Variants in GRM7 observed in about 807,000 individuals in gnomAD.
The protein encoded by GRM7 is glutamate metabotropic receptor 7.
A neutral mutation model predicts 84.5 loss-of-function variants in GRM7; 35 were observed. The ratio of observed to expected loss-of-function variants is 0.41; its 90% CI spans 0.32 to 0.55. The LOEUF is 0.55. Ranked by LOEUF, GRM7 falls within the 20% of genes least tolerant of loss-of-function variation. The probability of loss-of-function intolerance (pLI) is 0.19; values close to 1 mark genes in which losing one functional copy is unlikely to be tolerated. For missense variants in GRM7, 1,003 were observed against 1,194.6 expected (o/e 0.84, Z 2.36); for synonymous variants, 487 against 455.1 (o/e 1.07, Z -0.89).
chr3:6,929,900 A>G (rs927884438), intron 1 of GRM7, among the ~76,000 whole-genome samples: 11 of 152,158 alleles, frequency 7.2e-5, no homozygotes, highest in African/African-American at 2.7e-4. Flanking sequence ...TCAGATGGGA[A>G]CAACGCTTCT....
At chr3:7,206,536 A>C (rs543510819) in intron 2 of GRM7, among the ~76,000 whole-genome samples, 1 of 152,064 alleles carries the variant, frequency 6.6e-6, no homozygotes, top group Non-Finnish European at 1.5e-5. Context: ...CACAAAGCCA[A>C]CCTCCTTTAT....
intron 8 of GRM7, among the ~76,000 whole-genome samples, chr3:7,580,107 C>G (rs1246332868): frequency 6.6e-6 from 1 of 152,194 alleles, no homozygotes; most frequent in Non-Finnish European, 1.5e-5. Context: ...AGTTATAAGT[C>G]TTGTGAATCT....
intron 4 of GRM7, among the ~76,000 whole-genome samples, chr3:7,314,326 C>T (rs185564409): frequency 1.3e-5 from 2 of 150,886 alleles, no homozygotes; most frequent in Non-Finnish European, 2.9e-5. Context: ...TTTCTCCCTC[C>T]CCCCTAAAAA....
intron 1 of GRM7, among the ~76,000 whole-genome samples, chr3:6,870,711 C>T (rs1405844097): frequency 3.9e-5 from 6 of 152,006 alleles, no homozygotes; most frequent in African/African-American, 7.2e-5. Context: ...AGAAGGGATA[C>T]GTTTTGAAGG....
chr3:7,595,480 G>A (rs1336886791), intron 8 of GRM7, among the ~76,000 whole-genome samples: 1 of 152,184 alleles, frequency 6.6e-6, no homozygotes, highest in Non-Finnish European at 1.5e-5. Flanking sequence ...TCAAATATGA[G>A]TATGTAATAT....
chr3:7,368,301 A>G (rs374432786), intron 4 of GRM7, among the ~76,000 whole-genome samples: 7 of 152,166 alleles, frequency 4.6e-5, no homozygotes, highest in African/African-American at 1.4e-4. Context: ...GGAATGATAT[A>G]TTATTATCTT....
chr3:7,381,136 T>A (rs1311277463), intron 4 of GRM7, among the ~76,000 whole-genome samples: 1 of 152,140 alleles, frequency 6.6e-6, no homozygotes, highest in African/African-American at 2.4e-5. Context: ...ATCATCTACT[T>A]CCTTGACTTT....
intron 1 of GRM7, among the ~76,000 whole-genome samples, chr3:7,136,403 C>T (rs563893130): frequency 6.6e-6 from 1 of 150,882 alleles, no homozygotes; most frequent in African/African-American, 2.4e-5. Flanking sequence ...GTTTATGTTG[C>T]CTAGGTTGTC....
chr3:7,504,918 C>T (rs926576081), intron 7 of GRM7, among the ~76,000 whole-genome samples: 1 of 152,144 alleles, frequency 6.6e-6, no homozygotes, highest in Non-Finnish European at 1.5e-5. Flanking sequence ...AGTCCAAAGT[C>T]CAGAGTCTCA....
intron 1 of GRM7, among the ~76,000 whole-genome samples, chr3:7,075,151 G>A (rs6783577): frequency 0.13 from 19,157 of 152,148 alleles, 1,827 homozygotes; most frequent in African/African-American, 0.27. Context: ...CCTGGAGTCT[G>A]TATGGACTCA....
chr3:6,962,829 T>C (rs1026296427), intron 1 of GRM7, among the ~76,000 whole-genome samples: 4 of 152,228 alleles, frequency 2.6e-5, no homozygotes, highest in South Asian at 2.1e-4. Flanking sequence ...AATAGCCCAA[T>C]AGGAGAAAAG....
chr3:6,879,139 T>A (rs550312075), intron 1 of GRM7, among the ~76,000 whole-genome samples: 1 of 152,218 alleles, frequency 6.6e-6, no homozygotes, highest in Non-Finnish European at 1.5e-5. Context: ...ATATTTTCAA[T>A]AAGATACGTA....
intron 1 of GRM7, among the ~76,000 whole-genome samples, chr3:6,996,117 CG>C (rs1220909379): frequency 6.6e-6 from 1 of 151,996 alleles, no homozygotes; most frequent in African/African-American, 2.4e-5. Flanking sequence ...GGTGCAATCT[CG>C]GCTCACTGCA....
intron 8 of GRM7, among the ~76,000 whole-genome samples, chr3:7,599,402 G>A (rs1029097683): frequency 2.0e-5 from 3 of 152,156 alleles, no homozygotes; most frequent in Admixed American, 1.3e-4. Context: ...ATCACTTGAT[G>A]ATATATTGTG....
At chr3:7,676,506 G>T (rs1321213362) in intron 8 of GRM7, among the ~76,000 whole-genome samples, 2 of 152,052 alleles carry the variant, frequency 1.3e-5, no homozygotes, top group East Asian at 3.9e-4. Context: ...CTCCCAGGCT[G>T]GGAATGCAGT....
At chr3:7,617,207 A>G (rs1422994304) in intron 8 of GRM7, among the ~76,000 whole-genome samples, 2 of 152,144 alleles carry the variant, frequency 1.3e-5, no homozygotes, top group Non-Finnish European at 2.9e-5. Flanking sequence ...CGTTCCAATA[A>G]TGAAACACTA....
At chr3:7,348,375 A>C (rs1692984223) in intron 4 of GRM7, among the ~76,000 whole-genome samples, 2 of 151,974 alleles carry the variant, frequency 1.3e-5, no homozygotes, top group South Asian at 4.2e-4. Context: ...CCCACTTTCT[A>C]CTGATATCCT....
chr3:6,912,481 C>A (rs556235931), intron 1 of GRM7, among the ~76,000 whole-genome samples: 1 of 152,322 alleles, frequency 6.6e-6, no homozygotes, highest in Admixed American at 6.5e-5. Flanking sequence ...CAAGCTCATC[C>A]AATTTCCAAT....
At chr3:7,460,296 G>T (rs1484791517) in intron 6 of GRM7, among the ~76,000 whole-genome samples, 1 of 151,952 alleles carries the variant, frequency 6.6e-6, no homozygotes, top group African/African-American at 2.4e-5. Flanking sequence ...ACTTAACAAT[G>T]CTTTCAGCTC....
Sources: gnomAD v4.1 joint callset for allele counts (sites outside exome capture counted in the v4.1 genomes callset) on GRCh38, gnomAD v4.1.1 for gene constraint, MANE v1.5 for transcripts, NCBI Gene and HGNC (gene_info 2026-07-23, HGNC 2026-07-21) for gene names.